Variants in SCFD2 observed in about 807,000 individuals in gnomAD.
The protein encoded by SCFD2 is sec1 family domain containing 2.
In SCFD2, 54 loss-of-function variants were observed where a neutral mutation model predicts 58.9. The ratio of observed to expected loss-of-function variants is 0.92; its 90% CI spans 0.74 to 1.15. The LOEUF (loss-of-function observed/expected upper bound fraction) is 1.15, where lower values mean the gene tolerates loss of function less well. Ranked by LOEUF, SCFD2 falls within the 50% of genes most tolerant of loss-of-function variation. SCFD2 has a pLI of 0.00. For synonymous variants in SCFD2, 321 were observed against 335.9 expected, an observed-to-expected ratio of 0.96 and a Z score of 0.49; for missense variants, 805 against 836.6, an observed-to-expected ratio of 0.96 and a Z score of 0.47.
intron 5 of SCFD2, among the ~76,000 whole-genome samples, chr4:53,143,022 A>C (rs544713440): frequency 2.7e-4 from 41 of 152,330 alleles, no homozygotes; most frequent in African/African-American, 8.7e-4. Flanking sequence ...CTTAATTTTT[A>C]ATCTTTAATT....
intron 5 of SCFD2, among the ~76,000 whole-genome samples, chr4:53,071,183 T>TA (rs1386803330): frequency 6.6e-6 from 1 of 152,114 alleles, no homozygotes; most frequent in Non-Finnish European, 1.5e-5. Flanking sequence ...CTTAGTGAAG[T>TA]AAAACAGCAA....
chr4:52,982,085 T>G (rs1013025017), intron 5 of SCFD2, among the ~76,000 whole-genome samples: 5 of 152,226 alleles, frequency 3.3e-5, no homozygotes, highest in Admixed American at 3.3e-4. Flanking sequence ...ATAATGGTAC[T>G]GTTTATAAGC....
At chr4:53,175,644 A>G (rs2148940944) in intron 4 of SCFD2, among the ~76,000 whole-genome samples, 1 of 152,360 alleles carries the variant, frequency 6.6e-6, no homozygotes, top group Non-Finnish European at 1.5e-5. Flanking sequence ...TGACTAATTT[A>G]GGACACTTTG....
chr4:53,295,361 T>C (rs1391181783), intron 3 of SCFD2, among the ~76,000 whole-genome samples: 1 of 152,210 alleles, frequency 6.6e-6, no homozygotes, highest in Non-Finnish European at 1.5e-5. Context: ...TTCAAATCCC[T>C]TGCAAGTTGA....
rs576447858 is a variant in SCFD2, at chr4:53,139,400, C to T, written c.1561+5933G>A. ...CTGGGAAGTGAGGAGCGCCTCTTCC[C>T]GGCTGCCGGCCGTCATCCTGTCTAG... On this transcript the variant is annotated intron_variant, in intron 5 of 8. Coordinates refer to ENST00000401642, the MANE Select transcript of SCFD2 (RefSeq NM_152540.4). Among the ~76,000 whole-genome samples, 311 of 114,972 alleles carry T rather than the reference C, an allele frequency of 2.7e-3. 23 individuals carry two copies. Among genetic ancestry groups the T allele is most frequent in the Admixed American group, 0.025 (291 of 11,670 alleles). 75.4% of individuals were successfully genotyped at this position (114,972 alleles called of 152,430 possible).
chr4:53,189,563 T>C (rs888895350), intron 4 of SCFD2, among the ~76,000 whole-genome samples: 2 of 152,118 alleles, frequency 1.3e-5, no homozygotes, highest in African/African-American at 4.8e-5. Context: ...AAGGGAGGAA[T>C]TCTCTAATTT....
At chr4:53,209,151 C>CG (rs1380548431) in intron 4 of SCFD2, among the ~76,000 whole-genome samples, 1 of 152,096 alleles carries the variant, frequency 6.6e-6, no homozygotes, top group Non-Finnish European at 1.5e-5. Context: ...AAGGGATATA[C>CG]GGTCAACCCT....
intron 5 of SCFD2, among the ~76,000 whole-genome samples, chr4:53,062,683 C>G (rs1394829029): frequency 6.6e-6 from 1 of 152,032 alleles, no homozygotes; most frequent in Non-Finnish European, 1.5e-5. Flanking sequence ...TTCTTCCTAC[C>G]TGTGTAAATT....
chr4:53,141,898 G>A (rs1452524728), intron 5 of SCFD2, among the ~76,000 whole-genome samples: 2 of 152,030 alleles, frequency 1.3e-5, no homozygotes, highest in Admixed American at 6.6e-5. Context: ...GTTCTATCCC[G>A]GCCCCAGCTG....
chr4:53,068,469 A>G (rs1465307628), intron 5 of SCFD2, among the ~76,000 whole-genome samples: 4 of 152,086 alleles, frequency 2.6e-5, no homozygotes, highest in African/African-American at 7.2e-5. Context: ...TAGAGAGGAA[A>G]ATTCAGACCT....
At chr4:53,148,409 T>A (rs1212720961) in intron 4 of SCFD2, among the ~76,000 whole-genome samples, 1 of 152,330 alleles carries the variant, frequency 6.6e-6, no homozygotes, top group East Asian at 1.9e-4. Context: ...ACGAAGCCTA[T>A]AACTGATCTG....
At chr4:52,967,116 T>C (rs931700617) in intron 5 of SCFD2, among the ~76,000 whole-genome samples, 1 of 152,232 alleles carries the variant, frequency 6.6e-6, no homozygotes, top group South Asian at 2.1e-4. Context: ...TCCTTTTATT[T>C]TTGGCTTACT....
intron 5 of SCFD2, among the ~76,000 whole-genome samples, chr4:53,073,571 A>T (rs528128069): frequency 1.3e-5 from 2 of 152,260 alleles, no homozygotes; most frequent in South Asian, 2.1e-4. Context: ...TCTGAAAATG[A>T]GATCAAGATG....
chr4:53,117,678 C>T (rs746513697), intron 5 of SCFD2, among the ~76,000 whole-genome samples: 1 of 152,134 alleles, frequency 6.6e-6, no homozygotes, highest in Non-Finnish European at 1.5e-5. Context: ...TTTGTGCACA[C>T]TAGAGAAGGA....
At chr4:53,213,448 A>T (rs1406810709) in intron 4 of SCFD2, among the ~76,000 whole-genome samples, 1 of 152,162 alleles carries the variant, frequency 6.6e-6, no homozygotes, top group East Asian at 1.9e-4. Context: ...AATTAAAACC[A>T]GAGTGACTAT....
At chr4:52,931,991 C>G (rs1720008393) in intron 5 of SCFD2, among the ~76,000 whole-genome samples, 1 of 152,166 alleles carries the variant, frequency 6.6e-6, no homozygotes, top group Admixed American at 6.5e-5. Flanking sequence ...AGAAGACCAC[C>G]TGGAAGGCTT....
intron 3 of SCFD2, among the ~76,000 whole-genome samples, chr4:53,284,654 C>T (rs1021521375): frequency 3.9e-5 from 6 of 152,188 alleles, no homozygotes; most frequent in Non-Finnish European, 7.3e-5. Flanking sequence ...ACTGCCTACA[C>T]TTCTTACCTC....
intron 1 of SCFD2, 116 bp from the exon 2 acceptor site, chr4:53,352,882 A>C: frequency 1.1e-6 from 1 of 887,790 alleles, no homozygotes; most frequent in South Asian, 1.7e-5. Flanking sequence ...GTTTCTGTTC[A>C]ACAAAACTCA....
intron 4 of SCFD2, among the ~76,000 whole-genome samples, chr4:53,236,451 G>GATAT (rs146595901): frequency 0.018 from 2,665 of 144,610 alleles, 68 homozygotes; most frequent in African/African-American, 0.062. Context: ...CATATATAAG[G>GATAT]ATATATATAT....
Sources: allele counts gnomAD v4.1 joint callset (sites outside exome capture counted in the v4.1 genomes callset), GRCh38; gene constraint gnomAD v4.1.1; transcripts MANE v1.5; gene names NCBI Gene and HGNC (gene_info 2026-07-23, HGNC 2026-07-21).